The following KLKB1 variants were observed in gnomAD, a reference collection of about 807,000 sequenced individuals.
The protein encoded by KLKB1 is plasma kallikrein.
Under a neutral mutation model 73.6 loss-of-function variants are expected in KLKB1, and 58 were observed. The observed-to-expected ratio is 0.79, with a 90% CI of 0.64 to 0.98. The LOEUF (loss-of-function observed/expected upper bound fraction) is 0.98, where lower values mean the gene tolerates loss of function less well. Among genes scored for constraint, KLKB1 ranks in the 50% least tolerant of loss-of-function variants. The pLI is 0.00. For missense variants in KLKB1, 737 were observed against 763.8 expected (o/e 0.96, Z 0.41); for synonymous variants, 280 against 258.1 (o/e 1.08, Z -0.81).
upstream of KLKB1, among the ~76,000 whole-genome samples, chr4:186,225,864 C>T (rs1047258727): frequency 6.6e-6 from 1 of 151,760 alleles, no homozygotes. Flanking sequence ...CTGCAACTTT[C>T]TCTTTCTCTA....
At chr4:186,243,098 G>A (rs1738138553) in intron 6 of KLKB1, among the ~76,000 whole-genome samples, 3 of 152,190 alleles carry the variant, frequency 2.0e-5, no homozygotes, top group Admixed American at 1.3e-4. Flanking sequence ...CCGGGTATGT[G>A]AGTAAAGTCA....
intron 2 of KLKB1, among the ~76,000 whole-genome samples, chr4:186,215,118 C>T (rs988754277): frequency 6.6e-6 from 1 of 151,994 alleles, no homozygotes; most frequent in Non-Finnish European, 1.5e-5. Flanking sequence ...GTCATACAGA[C>T]ATTATAGATC....
chr4:186,243,915 G>A (rs1197144141), intron 6 of KLKB1, among the ~76,000 whole-genome samples: 1 of 152,166 alleles, frequency 6.6e-6, no homozygotes, highest in East Asian at 1.9e-4. Flanking sequence ...TAAACCAAGT[G>A]TGATCAGGGT....
rs1739135572 is a variant in KLKB1, at chr4:186,258,410, A to T, written c.*198A>T. The T allele has an allele frequency of 4.7e-6, 3 of 636,868 alleles. No individual in the cohort carries two copies. In the Admixed American group the frequency reaches 7.1e-5, roughly 15 times the overall value. The allele number at this position is 636,868 out of a possible 1,614,324, so 39.5% of individuals were successfully genotyped here. Reference sequence around the variant, plus strand: ...AGCACGCCGTAACCAGGGGCTGACAATGCGAGGTCGCAACTGAGATCTCCA... The same window carrying T: ...AGCACGCCGTAACCAGGGGCTGACATTGCGAGGTCGCAACTGAGATCTCCA... On this transcript the variant is annotated 3_prime_UTR_variant, in exon 15 of 15. Coordinates refer to ENST00000264690, the MANE Select transcript of KLKB1 (RefSeq NM_000892.5).
chr4:186,237,163 A>G (rs1580003168), intron 5 of KLKB1, among the ~76,000 whole-genome samples: 1 of 152,048 alleles, frequency 6.6e-6, no homozygotes, highest in East Asian at 1.9e-4. Flanking sequence ...CAGTGGCGTA[A>G]TCTCGACTCA....
chr4:186,236,807 G>A lies in KLKB1; in HGVS notation c.355G>A (p.Val119Ile), dbSNP rs1266444623. The change falls in exon 5 of 15, where the codon GTT becomes ATT. Residue 119 changes from valine to isoleucine, a missense_variant. By Grantham distance (29) the Val-to-Ile change is conservative. Transcript: ENST00000264690. ...SACHRDIYKG[V>I]DMRGVNFNVS... ...TTGCCATCGAGACATTTATAAAGGA[G>A]TTGATATGAGAGGAGTCAATTTTAA... is the stretch of plus-strand genomic sequence containing the variant. 1 of 1,614,018 alleles carries A rather than the reference G, an allele frequency of 6.2e-7. No homozygotes were observed. Among genetic ancestry groups the A allele is most frequent in the East Asian group, 2.2e-5 (1 of 44,862 alleles).
chr4:186,233,111 C>T (rs1737484386), intron 3 of KLKB1, among the ~76,000 whole-genome samples: 1 of 101,804 alleles, frequency 9.8e-6, no homozygotes, highest in Non-Finnish European at 2.0e-5. Context: ...GACGGGGTTT[C>T]ACCACATTGG....
chr4:186,253,767 T>C (rs1213718532), intron 11 of KLKB1, among the ~76,000 whole-genome samples: 2 of 152,024 alleles, frequency 1.3e-5, no homozygotes, highest in Non-Finnish European at 2.9e-5. Flanking sequence ...TATACATTCA[T>C]CTTTTAAATA....
At chr4:186,238,683 G>A (rs1737837698) in intron 6 of KLKB1, among the ~76,000 whole-genome samples, 1 of 152,208 alleles carries the variant, frequency 6.6e-6, no homozygotes, top group African/African-American at 2.4e-5. Context: ...GCCAAGGAAT[G>A]CAGGCGGCCT....
chr4:186,257,561 C>G (rs1443119206), intron 14 of KLKB1, among the ~76,000 whole-genome samples, 196 bp downstream of exon 14: 1 of 151,960 alleles, frequency 6.6e-6, no homozygotes, highest in Non-Finnish European at 1.5e-5. Context: ...ATGTCACAAT[C>G]TATGCATGTG....
rs961137820 is a variant in KLKB1, at chr4:186,228,351, C to T, written c.58+98C>T. 4.2e-5 allele frequency: 32 copies of T among 760,800 alleles called. No individual in the cohort carries two copies. In the East Asian group the frequency reaches 5.1e-4, roughly 12 times the overall value. The allele number at this position is 760,800 out of a possible 1,614,324, so 47.1% of individuals were successfully genotyped here. A position where few individuals can be genotyped will look rare whatever the true frequency, so the allele number is the denominator to read the frequency against. ...GAGAAAGCTATTGAACATACAGCTT[C>T]GGGGGTGGAGATTGTCCCTGATGAT... On this transcript the variant is annotated intron_variant, in intron 2 of 14. Transcript: ENST00000264690.
rs781159472 is a variant in KLKB1, at chr4:186,250,327, G to A, written c.683G>A (p.Arg228Gln). The A allele has an allele frequency of 1.3e-5, 21 of 1,613,760 alleles. No homozygotes were observed. Among genetic ancestry groups the A allele is most frequent in the East Asian group, 8.9e-5 (4 of 44,886 alleles). ...CTCACTCCAGATGCTTTTGTGTGTC[G>A]GACCATCTGCACCTATCACCCCAAC... ...RVLTPDAFVC[R>Q]TICTYHPNCL... The change falls in exon 7 of 15, where the codon CGG becomes CAG. Residue 228 changes from arginine to glutamine, a missense_variant. Arg to Gln is a conservative substitution (Grantham distance 43, BLOSUM62 1). Coordinates refer to ENST00000264690, the MANE Select transcript of KLKB1 (RefSeq NM_000892.5).
At chr4:186,234,182 G>GTC in intron 4 of KLKB1, 124 bp downstream of exon 4, 1 of 742,194 alleles carries the variant, frequency 1.3e-6, no homozygotes, top group Non-Finnish European at 2.4e-6. Context: ...AGGAGATGGG[G>GTC]CAGTATTCTG....
At position 186,257,328 on chromosome 4, in the gene KLKB1, G is replaced by A; in HGVS notation, c.1688G>A (p.Cys563Tyr). 1.2e-6 allele frequency: 2 copies of A among 1,601,896 alleles called. No individual in the cohort carries two copies. The highest frequency in any genetic ancestry group is 1.7e-6 in the Non-Finnish European group (2 of 1,173,244). Residue 563 changes from cysteine (C) to tyrosine (Y), a missense_variant, in exon 14 of 15, where the codon TGT becomes TAT. Transcript: ENST00000264690. ...QDYKITQRMV[C>Y]AGYKEGGKDA... Reference sequence around the variant, plus strand: ...TATAAAATAACCCAACGGATGGTCTGTGCTGGCTATAAAGAAGGGGGAAAA... The same window carrying A: ...TATAAAATAACCCAACGGATGGTCTATGCTGGCTATAAAGAAGGGGGAAAA...
chr4:186,218,546 G>A (rs181723409), intron 2 of KLKB1, among the ~76,000 whole-genome samples: 1 of 151,970 alleles, frequency 6.6e-6, no homozygotes, highest in African/African-American at 2.4e-5. Context: ...TATCTACTGT[G>A]TACAAGATAG....
upstream of KLKB1, among the ~76,000 whole-genome samples, chr4:186,225,337 A>G (rs1393102947): frequency 1.3e-5 from 2 of 151,992 alleles, no homozygotes; most frequent in African/African-American, 2.4e-5. Context: ...AAATCCACCA[A>G]TAATCTTATG....
intron 2 of KLKB1, chr4:186,213,397 GTAAAAGA>G (rs1736791006): frequency 6.6e-6 from 1 of 152,186 alleles, no homozygotes; most frequent in Non-Finnish European, 1.5e-5. Context: ...ATAGAAAACT[GTAAAAGA>G]TAAATCAGGA....
chr4:186,218,128 G>A (rs1736947533), intron 2 of KLKB1, among the ~76,000 whole-genome samples: 3 of 152,226 alleles, frequency 2.0e-5, no homozygotes, highest in African/African-American at 7.2e-5. Flanking sequence ...AAAGCCAAAT[G>A]TGGTCTGTGA....
chr4:186,221,125 G>GT (rs1737023660), intron 2 of KLKB1, among the ~76,000 whole-genome samples: 1 of 151,648 alleles, frequency 6.6e-6, no homozygotes, highest in Non-Finnish European at 1.5e-5. Flanking sequence ...ATGATTTTCT[G>GT]TATTTCTGTG....
Sources: gnomAD v4.1 joint callset for allele counts (sites outside exome capture counted in the v4.1 genomes callset) on GRCh38, gnomAD v4.1.1 for gene constraint, MANE v1.5 for transcripts, NCBI Gene and HGNC (gene_info 2026-07-23, HGNC 2026-07-21) for gene names.